NIBAN1: variants seen among roughly 807,000 people sequenced by gnomAD.
The protein encoded by NIBAN1 is protein Niban 1.
In NIBAN1, 81 loss-of-function variants were observed where a neutral mutation model predicts 75.1. That is an observed-to-expected ratio of 1.08 (90% CI 0.90 to 1.30). The LOEUF (loss-of-function observed/expected upper bound fraction) is 1.30. NIBAN1 is among the 50% of genes most tolerant of loss of function. NIBAN1 has a pLI of 0.00. For missense variants in NIBAN1, 1,133 were observed against 1,128.1 expected (o/e 1.00, Z -0.06); for synonymous variants, 436 against 424.8 (o/e 1.03, Z -0.32).
intron 1 of NIBAN1, among the ~76,000 whole-genome samples, chr1:184,968,402 G>C (rs753322586): frequency 3.3e-5 from 5 of 152,146 alleles, no homozygotes; most frequent in Non-Finnish European, 7.3e-5. Flanking sequence ...TGAAACTCCT[G>C]CTAGCTTCCT....
chr1:184,945,315 C>CT (rs1324530581), intron 1 of NIBAN1, among the ~76,000 whole-genome samples: 2 of 150,828 alleles, frequency 1.3e-5, no homozygotes, highest in Non-Finnish European at 1.5e-5. Context: ...CAGAAACCCT[C>CT]TTAACCACCC....
At chr1:184,839,817 G>A (rs1049866448) in intron 5 of NIBAN1, among the ~76,000 whole-genome samples, 27 of 152,082 alleles carry the variant, frequency 1.8e-4, no homozygotes, top group Middle Eastern at 3.4e-3. Flanking sequence ...GGCTGGTCTC[G>A]AACTCCTGAC....
intron 1 of NIBAN1, among the ~76,000 whole-genome samples, chr1:184,948,938 G>A (rs554861730): frequency 6.6e-6 from 1 of 152,092 alleles, no homozygotes; most frequent in African/African-American, 2.4e-5. Flanking sequence ...CATGTTTTAT[G>A]TAGTAATTTA....
intron 1 of NIBAN1, among the ~76,000 whole-genome samples, chr1:184,926,300 C>A (rs908239619): frequency 6.6e-6 from 1 of 152,124 alleles, no homozygotes; most frequent in Middle Eastern, 3.2e-3. Flanking sequence ...TGCAGTGGTG[C>A]AATCTCTGCT....
intron 9 of NIBAN1, among the ~76,000 whole-genome samples, chr1:184,814,437 A>G (rs1189836208): frequency 1.3e-5 from 2 of 152,206 alleles, no homozygotes; most frequent in Non-Finnish European, 2.9e-5. Flanking sequence ...AATGATTTTT[A>G]TATAATATTA....
chr1:184,944,950 G>A (rs994545150), intron 1 of NIBAN1, among the ~76,000 whole-genome samples: 6 of 152,286 alleles, frequency 3.9e-5, no homozygotes, highest in Admixed American at 1.3e-4. Context: ...CACCTAGATG[G>A]TAATGAGGAC....
Position 184,795,986 on chromosome 1 carries a change from T to C in NIBAN1, c.1778A>G (p.Asn593Ser). 6.2e-7 allele frequency: 1 copy of C among 1,613,980 alleles called. No homozygotes were observed. Among genetic ancestry groups the C allele is most frequent in the South Asian group, 1.1e-5 (1 of 91,082 alleles). The change falls in exon 14 of 14, where the codon AAC becomes AGC. Residue 593 changes from asparagine to serine, a missense_variant. Asn to Ser is a conservative substitution (Grantham distance 46, BLOSUM62 1). Transcript: ENST00000367511. ...LTDLKPPTGS[N>S]QASPARRASA... ...AGCTCTCCTGGCAGGGCTGGCCTGGTTTGACCCTGTGGGGGGCTTTAGATC... is the reference window on the plus strand; with the variant it reads ...AGCTCTCCTGGCAGGGCTGGCCTGGCTTGACCCTGTGGGGGGCTTTAGATC...
At chr1:184,874,396 C>G (rs1656182614) in intron 5 of NIBAN1, among the ~76,000 whole-genome samples, 1 of 151,628 alleles carries the variant, frequency 6.6e-6, no homozygotes, top group African/African-American at 2.4e-5. Context: ...GTATATGTAC[C>G]ATTTAAGTGA....
chr1:184,805,914 T>C (rs990792752), intron 11 of NIBAN1, 32 bp downstream of exon 11: 8 of 1,562,552 alleles, frequency 5.1e-6, no homozygotes, highest in Middle Eastern at 1.7e-4. Context: ...GTTCTCTTTT[T>C]ATGCTTCCCA....
chr1:184,794,681 T>C lies in NIBAN1; in HGVS notation c.*296A>G. On this transcript the variant is annotated 3_prime_UTR_variant, in exon 14 of 14. Transcript: ENST00000367511. ...AACTGTCATCCTACTGTTTTCTCAG[T>C]CTTCCCTGCAATACTATTCCCTCCT... The C allele has an allele frequency of 2.1e-6, 1 of 487,098 alleles. No homozygotes were observed. The highest frequency in any genetic ancestry group is 3.7e-6 in the Non-Finnish European group (1 of 267,648). 30.2% of individuals were successfully genotyped at this position (487,098 alleles called of 1,614,324 possible).
At chr1:184,898,652 A>T (rs1460141260) in intron 2 of NIBAN1, among the ~76,000 whole-genome samples, 1 of 152,132 alleles carries the variant, frequency 6.6e-6, no homozygotes, top group Non-Finnish European at 1.5e-5. Flanking sequence ...TCTTTTTAGC[A>T]TTTATTATTA....
chr1:184,939,225 C>T (rs73054633), intron 1 of NIBAN1, among the ~76,000 whole-genome samples: 2,502 of 152,276 alleles, frequency 0.016, 55 homozygotes, highest in African/African-American at 0.048. Flanking sequence ...ATGCACTGGG[C>T]ACCACATCAG....
At position 184,876,984 on chromosome 1, in the gene NIBAN1, A is replaced by T. The variant is rs76439216; in HGVS notation, c.601+7649T>A. ...TACACTCATTAACACAGATGTGAACATTCCTTTAGATATTAGTAAACCCAA... is the reference window on the plus strand; with the variant it reads ...TACACTCATTAACACAGATGTGAACTTTCCTTTAGATATTAGTAAACCCAA... On this transcript the variant is annotated intron_variant, in intron 5 of 13. Transcript: ENST00000367511. Among the ~76,000 whole-genome samples, 1,107 of 152,350 alleles carry T rather than the reference A, an allele frequency of 7.3e-3. 9 individuals carry two copies. The highest frequency in any genetic ancestry group is 8.5e-3 in the Non-Finnish European group (578 of 68,030).
chr1:184,888,902 T>G (rs1365761754), intron 4 of NIBAN1, among the ~76,000 whole-genome samples: 7 of 152,252 alleles, frequency 4.6e-5, no homozygotes. Context: ...AATTACTTAG[T>G]AATAATTTGT....
intron 5 of NIBAN1, among the ~76,000 whole-genome samples, chr1:184,860,103 T>A (rs1309493907): frequency 6.6e-6 from 1 of 152,056 alleles, no homozygotes; most frequent in African/African-American, 2.4e-5. Context: ...ATGAACTAGC[T>A]GAAAATGAAC....
chr1:184,816,135 T>G (rs1654524978), intron 9 of NIBAN1, among the ~76,000 whole-genome samples: 1 of 152,228 alleles, frequency 6.6e-6, no homozygotes, highest in South Asian at 2.1e-4. Flanking sequence ...TTCATCTAGC[T>G]CATTCTTTAA....
chr1:184,940,496 G>C (rs1267628813), intron 1 of NIBAN1, among the ~76,000 whole-genome samples: 3 of 152,130 alleles, frequency 2.0e-5, no homozygotes, highest in Admixed American at 6.5e-5. Flanking sequence ...ATATAGGAAA[G>C]AAAACAATCT....
rs565211616 is a variant in NIBAN1 at position 184,919,007 on chromosome 1, A to C, written c.56-19698T>G. Among the ~76,000 whole-genome samples the C allele has an allele frequency of 2.6e-5, 4 of 152,320 alleles. No individual in the cohort carries two copies. In the East Asian group the frequency reaches 7.7e-4, roughly 29 times the overall value. On this transcript the variant is annotated intron_variant, in intron 1 of 13. Transcript: ENST00000367511. ...CCAACATTTAAACTTGTAAAAAAAA[A>C]CCTCTAAAATTCTTTAGAAAACTCC...
At chr1:184,944,981 A>T (rs1658185090) in intron 1 of NIBAN1, among the ~76,000 whole-genome samples, 1 of 152,246 alleles carries the variant, frequency 6.6e-6, no homozygotes, top group Non-Finnish European at 1.5e-5. Flanking sequence ...TCGAAAAAGA[A>T]TTAAATAAGA....
Sources: gnomAD v4.1 joint callset for allele counts (sites outside exome capture counted in the v4.1 genomes callset) on GRCh38, gnomAD v4.1.1 for gene constraint, MANE v1.5 for transcripts, NCBI Gene and HGNC (gene_info 2026-07-23, HGNC 2026-07-21) for gene names.